The following KHDRBS2 variants were observed in gnomAD, a reference collection of about 807,000 sequenced individuals.
KHDRBS2 encodes KH RNA binding domain containing, signal transduction associated 2.
A neutral mutation model predicts 44.3 loss-of-function variants in KHDRBS2; 26 were observed. That is an observed-to-expected ratio of 0.59 (90% CI 0.43 to 0.81). The LOEUF (loss-of-function observed/expected upper bound fraction) is 0.81, where lower values mean the gene tolerates loss of function less well. KHDRBS2 is among the 40% of genes least tolerant of loss of function. The probability of loss-of-function intolerance (pLI) is 0.00; values close to 1 mark genes in which losing one functional copy is unlikely to be tolerated. For synonymous variants in KHDRBS2, 194 were observed against 151.1 expected, an observed-to-expected ratio of 1.28 and a Z score of -2.08; for missense variants, 476 against 433.1, an observed-to-expected ratio of 1.10 and a Z score of -0.88.
chr6:61,807,793 A>G (rs1185286399), intron 6 of KHDRBS2, among the ~76,000 whole-genome samples: 1 of 152,106 alleles, frequency 6.6e-6, no homozygotes, highest in Non-Finnish European at 1.5e-5. Flanking sequence ...TCTATGTAAC[A>G]AAGCTGCACA....
intron 1 of KHDRBS2, among the ~76,000 whole-genome samples, chr6:62,249,434 G>A (rs1836155455): frequency 6.6e-6 from 1 of 151,798 alleles, no homozygotes; most frequent in East Asian, 1.9e-4. Flanking sequence ...GAACACTAAA[G>A]GATATTCATC....
At chr6:61,568,109 G>T in the KHDRBS2 span, among the ~76,000 whole-genome samples, 2 of 152,040 alleles carry the variant, frequency 1.3e-5, no homozygotes, top group African/African-American at 4.8e-5. Context: ...CCTCTCTTCA[G>T]TGTATATTTT....
intron 7 of KHDRBS2, among the ~76,000 whole-genome samples, chr6:61,731,950 C>G (rs941361842): frequency 1.3e-5 from 2 of 152,000 alleles, no homozygotes; most frequent in Non-Finnish European, 2.9e-5. Flanking sequence ...TAACAAAAAA[C>G]AGATAGTTGG....
intron 8 of KHDRBS2, among the ~76,000 whole-genome samples, chr6:61,686,753 C>T (rs1269152988): frequency 6.6e-6 from 1 of 151,634 alleles, no homozygotes; most frequent in Middle Eastern, 3.4e-3. Context: ...CTCTAAATGT[C>T]TCACTATCTA....
intron 4 of KHDRBS2, among the ~76,000 whole-genome samples, chr6:61,947,009 A>G (rs944434275): frequency 2.0e-5 from 3 of 152,176 alleles, no homozygotes; most frequent in African/African-American, 4.8e-5. Context: ...CAACAGAAAT[A>G]TCATCTTTTA....
the KHDRBS2 span, among the ~76,000 whole-genome samples, chr6:61,617,936 AT>A: frequency 6.6e-6 from 1 of 152,118 alleles, no homozygotes; most frequent in East Asian, 1.9e-4. Context: ...TTTTCCCTAA[AT>A]TGCTATTTTT....
chr6:61,963,858 T>C (rs1463041486), intron 4 of KHDRBS2, among the ~76,000 whole-genome samples: 1 of 152,074 alleles, frequency 6.6e-6, no homozygotes, highest in Non-Finnish European at 1.5e-5. Context: ...ATCTATAAAT[T>C]AGAATAATTT....
At chr6:61,564,120 G>T in the KHDRBS2 span, among the ~76,000 whole-genome samples, 4 of 152,056 alleles carry the variant, frequency 2.6e-5, no homozygotes, top group Non-Finnish European at 5.9e-5. Context: ...CAGCCATGCA[G>T]AAAACAAATT....
intron 6 of KHDRBS2, among the ~76,000 whole-genome samples, chr6:61,811,755 T>G (rs1269013709): frequency 6.6e-6 from 1 of 152,100 alleles, no homozygotes; most frequent in African/African-American, 2.4e-5. Context: ...ACATTTAACA[T>G]TTTTATAGTT....
chr6:62,122,780 G>A (rs1477537499), intron 2 of KHDRBS2, among the ~76,000 whole-genome samples: 1 of 126,876 alleles, frequency 7.9e-6, no homozygotes, highest in East Asian at 2.1e-4. Context: ...GGTGAGTGGA[G>A]GCCAGTTTTA....
At chr6:62,052,459 G>A (rs538184366) in intron 2 of KHDRBS2, among the ~76,000 whole-genome samples, 1 of 151,902 alleles carries the variant, frequency 6.6e-6, no homozygotes, top group South Asian at 2.1e-4. Context: ...CATGGTTGGG[G>A]TGGAAATAAG....
chr6:62,192,636 A>G (rs1018729029), intron 1 of KHDRBS2, among the ~76,000 whole-genome samples: 2 of 152,152 alleles, frequency 1.3e-5, no homozygotes, highest in Non-Finnish European at 2.9e-5. Flanking sequence ...GAGGTGGGCC[A>G]TTATTCATTA....
intron 6 of KHDRBS2, among the ~76,000 whole-genome samples, chr6:61,751,820 G>A (rs1339630442): frequency 6.6e-6 from 1 of 152,118 alleles, no homozygotes; most frequent in African/African-American, 2.4e-5. Flanking sequence ...ACAAGTCCAA[G>A]ATGAAGGTGT....
At chr6:61,689,863 G>A (rs1268495931) in intron 8 of KHDRBS2, among the ~76,000 whole-genome samples, 1 of 151,866 alleles carries the variant, frequency 6.6e-6, no homozygotes, top group Non-Finnish European at 1.5e-5. Context: ...ATATATACAT[G>A]TATATATACA....
chr6:61,817,711 C>T (rs1180958860), intron 6 of KHDRBS2, among the ~76,000 whole-genome samples: 3 of 152,010 alleles, frequency 2.0e-5, no homozygotes, highest in Non-Finnish European at 4.4e-5. Flanking sequence ...GTATACAATG[C>T]CCTGAAATTT....
At chr6:61,981,865 A>G (rs1209300745) in intron 3 of KHDRBS2, among the ~76,000 whole-genome samples, 1 of 152,182 alleles carries the variant, frequency 6.6e-6, no homozygotes, top group African/African-American at 2.4e-5. Flanking sequence ...GGTAGATTTT[A>G]TTGTTTCAGA....
intron 3 of KHDRBS2, among the ~76,000 whole-genome samples, chr6:61,996,550 A>T (rs1414829814): frequency 7.9e-5 from 12 of 152,064 alleles, no homozygotes; most frequent in African/African-American, 2.9e-4. Context: ...GGATTATGTT[A>T]TATCAAGGAA....
At chr6:62,096,098 G>A (rs1206200543) in intron 2 of KHDRBS2, among the ~76,000 whole-genome samples, 5 of 151,756 alleles carry the variant, frequency 3.3e-5, no homozygotes, top group South Asian at 2.1e-4. Flanking sequence ...TCTTTTTGAC[G>A]TGCTTTTGGA....
intron 2 of KHDRBS2, among the ~76,000 whole-genome samples, chr6:62,120,836 A>C (rs1232139454): frequency 6.6e-6 from 1 of 152,120 alleles, no homozygotes; most frequent in African/African-American, 2.4e-5. Context: ...TCGAGGAAGG[A>C]CCCCACTACA....
Sources: gnomAD v4.1 joint callset for allele counts (sites outside exome capture counted in the v4.1 genomes callset) on GRCh38, gnomAD v4.1.1 for gene constraint, MANE v1.5 for transcripts, NCBI Gene and HGNC (gene_info 2026-07-23, HGNC 2026-07-21) for gene names.